Variants in MYO1H observed in about 807,000 individuals in gnomAD.
The protein encoded by MYO1H is unconventional myosin-Ih.
Under a neutral mutation model 149.3 loss-of-function variants are expected in MYO1H, and 118 were observed. The ratio of observed to expected loss-of-function variants is 0.79; its 90% CI spans 0.68 to 0.92. The LOEUF (loss-of-function observed/expected upper bound fraction) is 0.92. Ranked by LOEUF, MYO1H falls within the 40% of genes least tolerant of loss-of-function variation. The probability of loss-of-function intolerance (pLI) is 0.00; values close to 1 mark genes in which losing one functional copy is unlikely to be tolerated. For synonymous variants in MYO1H, 447 were observed against 465.2 expected (o/e 0.96, Z 0.50); for missense variants, 1,212 against 1,280.7 (o/e 0.95, Z 0.82).
intron 1 of MYO1H, among the ~76,000 whole-genome samples, chr12:109,371,568 A>G (rs1252372640): frequency 6.6e-6 from 1 of 152,160 alleles, no homozygotes; most frequent in Non-Finnish European, 1.5e-5. Context: ...CTATAGCTCT[A>G]TGGTCTTTCA....
chr12:109,415,075 G>GA (rs1420612935), intron 14 of MYO1H, among the ~76,000 whole-genome samples: 2 of 152,132 alleles, frequency 1.3e-5, no homozygotes, highest in African/African-American at 2.4e-5. Context: ...AACTTCCTGG[G>GA]AGCCTCCCTG....
At chr12:109,405,043 TC>T (rs1273626982) in intron 7 of MYO1H, among the ~76,000 whole-genome samples, 1 of 151,888 alleles carries the variant, frequency 6.6e-6, no homozygotes, top group Non-Finnish European at 1.5e-5. Context: ...AGACCCTGCC[TC>T]TACAAAAAAA....
chr12:109,333,971 T>C, the MYO1H span, among the ~76,000 whole-genome samples: 1 of 150,930 alleles, frequency 6.6e-6, no homozygotes, highest in Admixed American at 6.6e-5. Flanking sequence ...TATTTACTTA[T>C]TATTTATTTG....
At chr12:109,410,023 G>A (rs1870596124) in exon 12 of MYO1H, 6 of 1,545,434 alleles carry the variant, frequency 3.9e-6, no homozygotes, top group Non-Finnish European at 4.4e-6. Flanking sequence ...TAATTGAGAG[G>A]ACTCTAAAAG....
At chr12:109,322,393 T>C in the MYO1H span, among the ~76,000 whole-genome samples, 1 of 152,194 alleles carries the variant, frequency 6.6e-6, no homozygotes, top group Admixed American at 6.5e-5. Context: ...ATACTCAAAA[T>C]ATTAAGTGTT....
chr12:109,341,677 G>C, the MYO1H span, among the ~76,000 whole-genome samples: 2 of 152,162 alleles, frequency 1.3e-5, no homozygotes, highest in Non-Finnish European at 2.9e-5. Flanking sequence ...GATGGGTTAG[G>C]GGTGCATATT....
exon 30 of MYO1H, chr12:109,444,512 C>A (rs774664876): frequency 4.3e-6 from 7 of 1,613,472 alleles, no homozygotes; most frequent in Non-Finnish European, 5.9e-6. Context: ...AGAACATTGT[C>A]AATGTTGTTC....
chr12:109,344,862 A>C (rs1468075450), upstream of MYO1H, among the ~76,000 whole-genome samples: 1 of 152,218 alleles, frequency 6.6e-6, no homozygotes, highest in Non-Finnish European at 1.5e-5. Flanking sequence ...GGGAGCCAAG[A>C]TGACTCAATG....
At chr12:109,330,144 AG>A in the MYO1H span, among the ~76,000 whole-genome samples, 1 of 152,236 alleles carries the variant, frequency 6.6e-6, no homozygotes, top group East Asian at 1.9e-4. Flanking sequence ...GTACCAGGTT[AG>A]GTGAGATGCT....
At chr12:109,371,600 T>C (rs1269285814) in intron 1 of MYO1H, among the ~76,000 whole-genome samples, 2 of 152,230 alleles carry the variant, frequency 1.3e-5, no homozygotes, top group Non-Finnish European at 2.9e-5. Flanking sequence ...AACCATAATT[T>C]AATTTACCTG....
rs1173250983 is a variant in MYO1H, at chr12:109,447,032, G to A, written c.3094-127G>A. 3.4e-6 allele frequency: 3 copies of A among 893,060 alleles called. No homozygotes were observed. In the East Asian group the frequency reaches 7.9e-5, roughly 24 times the overall value. The allele number at this position is 893,060 out of a possible 1,614,324, so 55.3% of individuals were successfully genotyped here. A position where few individuals can be genotyped will look rare whatever the true frequency, so the allele number is the denominator to read the frequency against. The stretch of plus-strand genomic sequence containing the variant: ...CTAAGTCTGGCTTGTCTCATGGGAG[G>A]TGGCACTGGCTTCTCACAGGCCCTC... On this transcript the variant is annotated intron_variant, in intron 31 of 31. Coordinates refer to ENST00000310903, the Ensembl canonical transcript of MYO1H.
chr12:109,384,900 C>G (rs1482437257), intron 1 of MYO1H, among the ~76,000 whole-genome samples: 1 of 152,154 alleles, frequency 6.6e-6, no homozygotes, highest in Non-Finnish European at 1.5e-5. Flanking sequence ...TTTCAGACAC[C>G]AACCCACCTC....
Position 109,436,469 on chromosome 12 carries a change from A to G in MYO1H, c.2141-19A>G. The G allele has an allele frequency of 6.3e-7, 1 of 1,596,824 alleles. No homozygotes were observed. Among genetic ancestry groups the G allele is most frequent in the Non-Finnish European group, 8.6e-7 (1 of 1,168,448 alleles). On this transcript the variant is annotated intron_variant, in intron 21 of 31. Transcript: ENST00000310903. ...GCAAATGCAAAGCCATTTCACCAAA[A>G]CGTCTGTTTTATTTTAAGTTGCAAG...
intron 15 of MYO1H, among the ~76,000 whole-genome samples, chr12:109,417,374 C>T (rs1870960110): frequency 6.6e-6 from 1 of 152,130 alleles, no homozygotes; most frequent in African/African-American, 2.4e-5. Context: ...GTCTCCCAGG[C>T]TGGCGTGCAG....
At chr12:109,360,907 A>G (rs544784151) in intron 1 of MYO1H, among the ~76,000 whole-genome samples, 3 of 152,334 alleles carry the variant, frequency 2.0e-5, no homozygotes, top group Non-Finnish European at 4.4e-5. Flanking sequence ...CGGAGTAGTG[A>G]TAGAGTCTCC....
At chr12:109,445,763 AG>A (rs1199782169) in intron 31 of MYO1H, 151 bp downstream of exon 31, 31 of 985,290 alleles carry the variant, frequency 3.1e-5, no homozygotes, top group Admixed American at 1.2e-4. Flanking sequence ...TCTGTAAGAC[AG>A]GAAGAAACTG....
chr12:109,393,240 C>A (rs1390105548), intron 2 of MYO1H, 91 bp from the exon 3 acceptor site: 3 of 790,778 alleles, frequency 3.8e-6, no homozygotes, highest in African/African-American at 3.4e-5. Context: ...ATTTTAAATC[C>A]TCCATGTGGA....
At chr12:109,416,382 T>G (rs1229401049) in intron 15 of MYO1H, among the ~76,000 whole-genome samples, 5 of 151,654 alleles carry the variant, frequency 3.3e-5, no homozygotes, top group South Asian at 2.1e-4. Flanking sequence ...GTTGTTGGTT[T>G]TTTTTTTTTT....
intron 13 of MYO1H, among the ~76,000 whole-genome samples, chr12:109,411,090 T>A (rs891878915): frequency 2.0e-5 from 3 of 152,016 alleles, no homozygotes; most frequent in African/African-American, 7.2e-5. Context: ...TGCAGTGAGC[T>A]GAGATCATAC....
Sources: gnomAD v4.1 joint callset for allele counts (sites outside exome capture counted in the v4.1 genomes callset) on GRCh38, gnomAD v4.1.1 for gene constraint, MANE v1.5 for transcripts, NCBI Gene and HGNC (gene_info 2026-07-23, HGNC 2026-07-21) for gene names.